Variants in CRYL1 observed in about 807,000 individuals in gnomAD.
CRYL1 encodes the protein crystallin lambda 1.
In CRYL1, 29 loss-of-function variants were observed where a neutral mutation model predicts 36.6. The ratio of observed to expected loss-of-function variants is 0.79; its 90% CI spans 0.59 to 1.08. CRYL1 has a LOEUF of 1.08. Ranked by LOEUF, CRYL1 falls within the 50% of genes least tolerant of loss-of-function variation. CRYL1 has a pLI of 0.00. For missense variants in CRYL1, 411 were observed against 407.9 expected, an observed-to-expected ratio of 1.01 and a Z score of -0.06; for synonymous variants, 152 against 151.5, an observed-to-expected ratio of 1.00 and a Z score of -0.02.
intron 5 of CRYL1, chr13:20,426,777 T>G: frequency 1.0e-6 from 1 of 985,442 alleles, no homozygotes; most frequent in Non-Finnish European, 1.2e-6. Flanking sequence ...GGCAGACATG[T>G]CTGAAGTAAA....
intron 2 of CRYL1, among the ~76,000 whole-genome samples, chr13:20,506,084 A>G (rs2033792456): frequency 6.6e-6 from 1 of 152,218 alleles, no homozygotes; most frequent in South Asian, 2.1e-4. Flanking sequence ...GCTTTATTTA[A>G]AAGTCACTCA....
At position 20,405,625 on chromosome 13, in the gene CRYL1, T is replaced by G. The variant is rs138752044; in HGVS notation, c.740-884A>C. ...CTTGTACCTTGCTGGTTTGGGTGGA[T>G]GGAGCCAGGCGCTCATCTGCACAAG... On this transcript the variant is annotated intron_variant, in intron 6 of 7. Coordinates refer to ENST00000298248, the MANE Select transcript of CRYL1 (RefSeq NM_015974.3). Among the ~76,000 whole-genome samples, 509 of 152,322 alleles carry G rather than the reference T, an allele frequency of 3.3e-3. 3 individuals carry two copies. The highest frequency in any genetic ancestry group is 3.9e-3 in the Admixed American group (60 of 15,308).
intron 3 of CRYL1, among the ~76,000 whole-genome samples, chr13:20,478,501 G>T (rs972084468): frequency 2.0e-5 from 3 of 152,028 alleles, no homozygotes; most frequent in Non-Finnish European, 4.4e-5. Context: ...TTTGAAACAG[G>T]GTCTTACTCT....
chr13:20,432,215 C>T lies in CRYL1; in HGVS notation c.520G>A (p.Ala174Thr), dbSNP rs749874086. 8.1e-6 allele frequency: 13 copies of T among 1,613,776 alleles called. No homozygotes were observed. Among genetic ancestry groups the T allele is most frequent in the African/African-American group, 2.7e-5 (2 of 74,912 alleles). ...CACTGTCCAATCTTCTTCATCAGGG[C>T]GTGGGTTCTGTCCACTGTCGTAGGG... ...TAPTTVDRTHALMKKIGQCPM... is the reference protein window; with the variant it reads ...TAPTTVDRTHTLMKKIGQCPM... The change falls in exon 5 of 8, where the codon GCC becomes ACC. Residue 174 changes from alanine (A) to threonine (T), a missense_variant. Physicochemically the swap from Ala to Thr is moderately conservative, Grantham distance 58. Coordinates refer to ENST00000298248, the MANE Select transcript of CRYL1 (RefSeq NM_015974.3).
chr13:20,458,574 T>C lies in CRYL1; in HGVS notation c.277-18820A>G, dbSNP rs535536739. ...ATTTTATTTAACTCATAAACTCAAA[T>C]ATTACATTTCAACATGTAATCACTA... On this transcript the variant is annotated intron_variant, in intron 3 of 7. Coordinates refer to ENST00000298248, the MANE Select transcript of CRYL1 (RefSeq NM_015974.3). Among the ~76,000 whole-genome samples, 15 of 152,352 alleles carry C rather than the reference T, an allele frequency of 9.8e-5. No homozygotes were observed. The East Asian group carries it at 2.5e-3, about 25-fold the overall frequency.
At chr13:20,474,724 C>T (rs34942646) in intron 3 of CRYL1, among the ~76,000 whole-genome samples, 10,516 of 152,168 alleles carry the variant, frequency 0.069, 552 homozygotes, top group Admixed American at 0.16. Flanking sequence ...TCCAGGGGGA[C>T]ACACACAACC....
In CRYL1 at chr13:20,413,326, T is replaced by C. The variant is rs1593427642; in HGVS notation, c.695A>G (p.Tyr232Cys). 3.1e-6 allele frequency: 5 copies of C among 1,613,902 alleles called. No homozygotes were observed. In the Admixed American group the frequency reaches 8.3e-5, roughly 27 times the overall value. Residue 232 changes from tyrosine to cysteine, a missense_variant, in exon 6 of 8, where the codon TAT (tyrosine) becomes TGT (cysteine). Coordinates refer to ENST00000298248, the MANE Select transcript of CRYL1 (RefSeq NM_015974.3). Reference sequence around the variant, plus strand: ...GGTTTCCAGGGGTCCAATGAATGCATACCGCATGCCCAACCCTTCTGACAT... The same window carrying C: ...GGTTTCCAGGGGTCCAATGAATGCACACCGCATGCCCAACCCTTCTGACAT... ...LVMSEGLGMR[Y>C]AFIGPLETMH... is the part of the protein sequence containing the mutation.
rs1340222160 is a variant in CRYL1 at position 20,508,852 on chromosome 13, AAAAAAAAAAAAAAAAAAAAAAAAC to A, written c.149+3567_149+3590del. On this transcript the variant is annotated intron_variant, in intron 2 of 7. Coordinates refer to ENST00000298248, the MANE Select transcript of CRYL1 (RefSeq NM_015974.3). ...CTAGGTGGCAGAGCGAGACTCCAAA[AAAAAAAAAAAAAAAAAAAAAAAAC>A]AAAAAAAAAAAACTGACAACAACAA... Among the ~76,000 whole-genome samples the A allele has an allele frequency of 2.1e-3, 32 of 15,566 alleles. 1 individual carries two copies. The East Asian group carries it at 0.099, about 48-fold the overall frequency. 10.2% of individuals were successfully genotyped at this position (15,566 alleles called of 152,430 possible).
intron 3 of CRYL1, among the ~76,000 whole-genome samples, chr13:20,475,416 A>T (rs1593470971): frequency 6.6e-6 from 1 of 152,350 alleles, no homozygotes; most frequent in South Asian, 2.1e-4. Context: ...GCCTCATGCC[A>T]GGCACTGTTT....
intron 1 of CRYL1, among the ~76,000 whole-genome samples, chr13:20,520,674 C>T (rs1267707561): frequency 6.6e-6 from 1 of 152,130 alleles, no homozygotes; most frequent in Non-Finnish European, 1.5e-5. Context: ...CCCCTTCACG[C>T]CCACACACTC....
At chr13:20,429,792 C>A (rs531669418) in intron 5 of CRYL1, among the ~76,000 whole-genome samples, 9 of 152,192 alleles carry the variant, frequency 5.9e-5, no homozygotes, top group Non-Finnish European at 1.3e-4. Flanking sequence ...GCTCCCCTAG[C>A]GCCCTGAACC....
At chr13:20,483,942 G>T (rs563064176) in intron 3 of CRYL1, among the ~76,000 whole-genome samples, 2 of 152,036 alleles carry the variant, frequency 1.3e-5, no homozygotes, top group South Asian at 4.1e-4. Context: ...TCAGCCTCCC[G>T]GGTAGCTGGG....
chr13:20,495,006 A>T (rs537995312), intron 2 of CRYL1, among the ~76,000 whole-genome samples: 1 of 152,314 alleles, frequency 6.6e-6, no homozygotes. Flanking sequence ...GCTGCGGAGG[A>T]GCTTCCGACA....
chr13:20,454,432 T>A (rs1268173905), intron 3 of CRYL1, among the ~76,000 whole-genome samples: 3 of 151,520 alleles, frequency 2.0e-5, no homozygotes, highest in African/African-American at 7.2e-5. Context: ...TTTTTTTTTT[T>A]TTGAGATGGA....
At chr13:20,507,720 C>T (rs919761418) in intron 2 of CRYL1, among the ~76,000 whole-genome samples, 2 of 151,904 alleles carry the variant, frequency 1.3e-5, no homozygotes, top group South Asian at 2.1e-4. Context: ...AGATCGAGAC[C>T]ATCCTGGCTA....
Position 20,439,620 on chromosome 13 carries a change from A to G in CRYL1, c.411T>C (p.His137=), listed in dbSNP as rs367545208. 1.1e-5 allele frequency: 18 copies of G among 1,613,888 alleles called. No individual in the cohort carries two copies. In the African/African-American group the frequency reaches 1.7e-4, roughly 16 times the overall value. The change falls in exon 4 of 8, where the codon CAT becomes CAC. Residue 137 remains histidine (H), a synonymous_variant. Coordinates refer to ENST00000298248, the MANE Select transcript of CRYL1 (RefSeq NM_015974.3). The part of the protein sequence containing the change: ...MPSKLFAGLV[H]VKQCIVAHPV... ...GATGAGCCACGATGCATTGCTTCAC[A>G]TGGACCAAGCCAGCAAACAACTTGG...
intron 2 of CRYL1, among the ~76,000 whole-genome samples, chr13:20,507,692 G>A (rs976611405): frequency 2.0e-5 from 3 of 152,176 alleles, no homozygotes; most frequent in African/African-American, 4.8e-5. Context: ...GCCAAGGCAG[G>A]CGGATCACAA....
rs1237499315 is a variant in CRYL1 at position 20,425,541 on chromosome 13, C to T, written c.633+6561G>A. Among the ~76,000 whole-genome samples, 1 of 152,160 alleles carries T rather than the reference C, an allele frequency of 6.6e-6. No homozygotes were observed. The highest frequency in any genetic ancestry group is 1.5e-5 in the Non-Finnish European group (1 of 68,044). Reference sequence around the variant, plus strand: ...TCAGAAAATGAAATATGTGAGATGGCACCTTCCTGGGTATTCATGCAGAGG... The same window carrying T: ...TCAGAAAATGAAATATGTGAGATGGTACCTTCCTGGGTATTCATGCAGAGG... On this transcript the variant is annotated intron_variant, in intron 5 of 7. Transcript: ENST00000298248. This position sits in a 1 kb window ranked among gnomAD's most constrained non-coding sequence, Gnocchi z 4.4.
At chr13:20,504,928 G>A (rs1180485946) in intron 2 of CRYL1, among the ~76,000 whole-genome samples, 1 of 151,942 alleles carries the variant, frequency 6.6e-6, no homozygotes, top group Non-Finnish European at 1.5e-5. Flanking sequence ...ATTTTTACAG[G>A]TTCAGAATCC....
Sources: gnomAD v4.1 joint callset for allele counts (sites outside exome capture counted in the v4.1 genomes callset) on GRCh38, gnomAD v4.1.1 for gene constraint, Gnocchi (gnomAD v3.1) non-coding constraint, MANE v1.5 for transcripts, NCBI Gene and HGNC (gene_info 2026-07-23, HGNC 2026-07-21) for gene names.